The following CD226 variants were observed in gnomAD, a reference collection of about 807,000 sequenced individuals.
The protein encoded by CD226 is CD226 antigen.
In CD226, 24 loss-of-function variants were observed where a neutral mutation model predicts 34.9. That is an observed-to-expected ratio of 0.69 (90% CI 0.50 to 0.97). The LOEUF (loss-of-function observed/expected upper bound fraction) is 0.97, where lower values mean the gene tolerates loss of function less well. Ranked by LOEUF, CD226 falls within the 50% of genes least tolerant of loss-of-function variation. CD226 has a pLI of 0.00. For synonymous variants in CD226, 148 were observed against 147.4 expected (o/e 1.00, Z -0.03); for missense variants, 397 against 412.7 (o/e 0.96, Z 0.33).
Position 69,861,554 on chromosome 18 carries a change from G to GTGTGTATATATATATATATATATATA in CD226, c.*2759_*2760insTATATATATATATATATATATACACA, listed in dbSNP as rs59216052. ...ATAAATTATATGTGTATATATATAT[G>GTGTGTATATATATATATATATATATA]TATATATATATATATATATGTAAAA... On this transcript the variant is annotated 3_prime_UTR_variant, in exon 6 of 6. Transcript: ENST00000582621. 7.8e-6 allele frequency: 1 copy of GTGTGTATATATATATATATATATATA among 127,948 alleles called. No homozygotes were observed. The highest frequency in any genetic ancestry group is 2.8e-5 in the African/African-American group (1 of 36,322). 7.9% of individuals were successfully genotyped at this position (127,948 alleles called of 1,614,324 possible).
At chr18:69,941,729 G>C (rs967601612) in intron 2 of CD226, among the ~76,000 whole-genome samples, 12 of 152,232 alleles carry the variant, frequency 7.9e-5, no homozygotes, top group Admixed American at 2.6e-4. Context: ...ACTTTGGGCT[G>C]TGGACTTTCA....
At chr18:69,890,957 T>C (rs1984862457) in intron 3 of CD226, among the ~76,000 whole-genome samples, 1 of 149,974 alleles carries the variant, frequency 6.7e-6, no homozygotes, top group South Asian at 2.1e-4. Context: ...AAAGAAGCAG[T>C]TCTAAACTCA....
intron 2 of CD226, among the ~76,000 whole-genome samples, chr18:69,925,922 C>T (rs1446798296): frequency 6.6e-6 from 1 of 152,152 alleles, no homozygotes; most frequent in Non-Finnish European, 1.5e-5. Context: ...GCGGGCAGAC[C>T]ACCTGAGGCC....
At chr18:69,948,634 T>G (rs2055820426), upstream of CD226, among the ~76,000 whole-genome samples, 1 of 152,214 alleles carries the variant, frequency 6.6e-6, no homozygotes, top group Non-Finnish European at 1.5e-5. Flanking sequence ...TGGTGTCACC[T>G]TGTGTTTATA....
intron 2 of CD226, among the ~76,000 whole-genome samples, chr18:69,930,804 T>C (rs922635197): frequency 1.4e-4 from 21 of 152,170 alleles, no homozygotes; most frequent in Non-Finnish European, 2.8e-4. Context: ...GTACAGGTGC[T>C]CCATAAAGCT....
At chr18:69,947,289 C>A in intron 1 of CD226, 72 bp downstream of exon 1, 1 of 1,053,134 alleles carries the variant, frequency 9.5e-7, no homozygotes, top group South Asian at 1.5e-5. Context: ...ACTGTAAATT[C>A]TGAATATGCC....
intron 2 of CD226, among the ~76,000 whole-genome samples, chr18:69,944,049 T>C (rs2055759783): frequency 6.6e-6 from 1 of 150,700 alleles, no homozygotes; most frequent in Non-Finnish European, 1.5e-5. Context: ...ATATTTGCAA[T>C]CCCAGTATGT....
intron 3 of CD226, among the ~76,000 whole-genome samples, chr18:69,887,122 T>C (rs1200800132): frequency 2.6e-5 from 4 of 152,196 alleles, no homozygotes; most frequent in African/African-American, 4.8e-5. Flanking sequence ...GAAGAGAAAA[T>C]AGTCAATATA....
In CD226 at chr18:69,889,272, G is replaced by A. The variant is rs758831260; in HGVS notation, c.727+6429C>T. 7.2e-5 allele frequency among the ~76,000 whole-genome samples: 11 copies of A among 151,924 alleles called. 1 individual carries two copies. Among genetic ancestry groups the A allele is most frequent in the Admixed American group, 2.0e-4 (3 of 15,242 alleles). ...GACACGGTGCTCTGGGATTCTGGTC[G>A]TGTTGCTCCATCATATAAATTAACT... On this transcript the variant is annotated intron_variant, in intron 3 of 5. Coordinates refer to ENST00000582621, the MANE Select transcript of CD226 (RefSeq NM_001303618.2).
intron 2 of CD226, among the ~76,000 whole-genome samples, chr18:69,923,466 T>A (rs2055479440): frequency 6.6e-6 from 1 of 152,112 alleles, no homozygotes; most frequent in Non-Finnish European, 1.5e-5. Context: ...TCTGGCCTTT[T>A]TAAAAACATT....
intron 2 of CD226, among the ~76,000 whole-genome samples, chr18:69,903,710 C>T (rs2055215515): frequency 6.6e-6 from 1 of 152,054 alleles, no homozygotes; most frequent in Non-Finnish European, 1.5e-5. Flanking sequence ...TGGGTTGATG[C>T]TTCCACGAGC....
At chr18:69,900,680 C>G (rs1209003003) in intron 2 of CD226, among the ~76,000 whole-genome samples, 4 of 144,062 alleles carry the variant, frequency 2.8e-5, no homozygotes, top group African/African-American at 7.9e-5. Context: ...TGCAGTGAGC[C>G]GAGATTGCGC....
intron 2 of CD226, among the ~76,000 whole-genome samples, chr18:69,910,871 G>T (rs1227972961): frequency 6.6e-6 from 1 of 152,138 alleles, no homozygotes; most frequent in South Asian, 2.1e-4. Context: ...TAAAAGAAAA[G>T]AAACACAAGA....
intron 2 of CD226, among the ~76,000 whole-genome samples, chr18:69,923,291 G>T (rs1435115257): frequency 6.6e-6 from 1 of 152,140 alleles, no homozygotes; most frequent in Non-Finnish European, 1.5e-5. Context: ...GCAAAACATG[G>T]CATCATAATG....
intron 5 of CD226, among the ~76,000 whole-genome samples, chr18:69,865,866 T>C (rs920225671): frequency 6.6e-6 from 1 of 152,226 alleles, no homozygotes. Flanking sequence ...GAAATTTATA[T>C]ACTTTTGGCT....
intron 3 of CD226, among the ~76,000 whole-genome samples, chr18:69,885,509 G>C (rs1158528413): frequency 6.6e-6 from 1 of 152,066 alleles, no homozygotes; most frequent in African/African-American, 2.4e-5. Context: ...ACTTTTAGCA[G>C]ATTCCTGGAA....
chr18:69,888,578 A>G (rs1253835577), intron 3 of CD226, among the ~76,000 whole-genome samples: 1 of 152,030 alleles, frequency 6.6e-6, no homozygotes, highest in African/African-American at 2.4e-5. Context: ...TAGGAAGAAA[A>G]TCAGTACATT....
chr18:69,930,114 C>T (rs1419616842), intron 2 of CD226, among the ~76,000 whole-genome samples: 1 of 152,060 alleles, frequency 6.6e-6, no homozygotes, highest in Non-Finnish European at 1.5e-5. Flanking sequence ...AGATGATGGG[C>T]TACATTATTC....
chr18:69,911,836 G>T (rs1385310633), intron 2 of CD226, among the ~76,000 whole-genome samples: 11 of 152,122 alleles, frequency 7.2e-5, no homozygotes, highest in Non-Finnish European at 1.0e-4. Context: ...TTACATGTGT[G>T]TATGTGTGTG....
Sources: allele counts gnomAD v4.1 joint callset (sites outside exome capture counted in the v4.1 genomes callset), GRCh38; gene constraint gnomAD v4.1.1; transcripts MANE v1.5; gene names NCBI Gene and HGNC (gene_info 2026-07-23, HGNC 2026-07-21).